AGBL4: variants seen among roughly 807,000 people sequenced by gnomAD.
AGBL4 encodes the protein cytosolic carboxypeptidase 6.
In AGBL4, 58 loss-of-function variants were observed where a neutral mutation model predicts 66.4. The ratio of observed to expected loss-of-function variants is 0.87; its 90% confidence interval spans 0.71 to 1.09. AGBL4 has a LOEUF of 1.09. Ranked by LOEUF, AGBL4 falls within the 50% of genes least tolerant of loss-of-function variation. AGBL4 has a pLI of 0.00. For synonymous variants in AGBL4, 234 were observed against 222.9 expected (o/e 1.05, Z -0.44); for missense variants, 579 against 631.0 (o/e 0.92, Z 0.88).
intron 5 of AGBL4, among the ~76,000 whole-genome samples, chr1:48,897,143 T>A (rs1003308678): frequency 1.3e-5 from 2 of 152,016 alleles, no homozygotes. Flanking sequence ...CCCTACTCCA[T>A]CCCCTCCTTT....
chr1:49,421,375 C>T lies in AGBL4; in HGVS notation c.283-175511G>A, dbSNP rs556383570. Among the ~76,000 whole-genome samples the T allele has an allele frequency of 5.4e-5, 8 of 148,572 alleles. No homozygotes were observed. The East Asian group carries it at 1.0e-3, about 19-fold the overall frequency. On this transcript the variant is annotated intron_variant, in intron 3 of 13. Transcript: ENST00000371839. ...AAGTACACAGTTGTAACAAATGCTA[C>T]GGGGGGCGGGGGGAAGCTGTGGGTA...
chr1:49,456,401 G>A (rs1646390043), intron 3 of AGBL4, among the ~76,000 whole-genome samples: 1 of 151,816 alleles, frequency 6.6e-6, no homozygotes, highest in South Asian at 2.1e-4. Context: ...ATTTCTAGAG[G>A]TTCAAGAGGC....
At chr1:49,274,762 T>G (rs1644134158) in intron 3 of AGBL4, among the ~76,000 whole-genome samples, 1 of 152,110 alleles carries the variant, frequency 6.6e-6, no homozygotes, top group Non-Finnish European at 1.5e-5. Context: ...AAAAAGCTAA[T>G]ACATTCATGA....
chr1:49,211,889 T>C (rs1350771815), intron 4 of AGBL4, among the ~76,000 whole-genome samples: 1 of 152,064 alleles, frequency 6.6e-6, no homozygotes, highest in African/African-American at 2.4e-5. Flanking sequence ...ATAATCATCA[T>C]CACCACCCTG....
intron 6 of AGBL4, among the ~76,000 whole-genome samples, chr1:48,676,122 G>T (rs941254446): frequency 6.6e-6 from 1 of 152,236 alleles, no homozygotes; most frequent in African/African-American, 2.4e-5. Context: ...TATGGCCTAG[G>T]TAAGTGGCTC....
chr1:48,657,268 A>G (rs982134006), intron 7 of AGBL4, among the ~76,000 whole-genome samples: 1 of 152,236 alleles, frequency 6.6e-6, no homozygotes, highest in African/African-American at 2.4e-5. Flanking sequence ...AGTGGTACAC[A>G]GTAAGAATAT....
chr1:49,887,191 GTGTATGTATATATATATACAT>G (rs1025152244), intron 1 of AGBL4, among the ~76,000 whole-genome samples: 6 of 147,748 alleles, frequency 4.1e-5, no homozygotes, highest in African/African-American at 1.2e-4. Context: ...ATATATATAT[GTGTATGTATATATATATACAT>G]TGTGTGTATA....
chr1:48,697,339 A>G (rs1646728331), intron 6 of AGBL4, among the ~76,000 whole-genome samples: 1 of 152,134 alleles, frequency 6.6e-6, no homozygotes, highest in African/African-American at 2.4e-5. Flanking sequence ...TGTTCTTTCT[A>G]CAGAAAGGCT....
At chr1:49,827,420 G>A (rs1182220225) in intron 2 of AGBL4, among the ~76,000 whole-genome samples, 1 of 152,086 alleles carries the variant, frequency 6.6e-6, no homozygotes, top group African/African-American at 2.4e-5. Context: ...AAGGTCAAAA[G>A]GGCTCTTCTG....
At chr1:48,837,724 T>TGG (rs1646716822) in intron 6 of AGBL4, among the ~76,000 whole-genome samples, 1 of 127,826 alleles carries the variant, frequency 7.8e-6, no homozygotes, top group Non-Finnish European at 1.6e-5. Flanking sequence ...TATATATATA[T>TGG]ATATATATAT....
intron 5 of AGBL4, among the ~76,000 whole-genome samples, chr1:48,900,456 G>T (rs988872655): frequency 4.6e-5 from 7 of 152,192 alleles, no homozygotes; most frequent in Non-Finnish European, 1.0e-4. Context: ...AAAGAACAAA[G>T]TTGATGTACT....
chr1:49,530,773 T>C (rs1346527196), intron 3 of AGBL4, among the ~76,000 whole-genome samples: 2 of 152,038 alleles, frequency 1.3e-5, no homozygotes, highest in Non-Finnish European at 2.9e-5. Context: ...TACCATTTAT[T>C]ATCATCCTGA....
intron 6 of AGBL4, among the ~76,000 whole-genome samples, chr1:48,683,346 C>T (rs567327232): frequency 3.9e-5 from 6 of 152,302 alleles, no homozygotes; most frequent in African/African-American, 1.2e-4. Flanking sequence ...ATACTCACAT[C>T]GGGGGCTTCT....
chr1:49,318,695 T>C (rs2148472793), intron 3 of AGBL4, among the ~76,000 whole-genome samples: 1 of 152,130 alleles, frequency 6.6e-6, no homozygotes, highest in South Asian at 2.1e-4. Context: ...AGGTAAGAGC[T>C]AGAAAGTTAT....
At chr1:49,882,152 C>T (rs1292557122) in intron 1 of AGBL4, among the ~76,000 whole-genome samples, 1 of 151,608 alleles carries the variant, frequency 6.6e-6, no homozygotes, top group Non-Finnish European at 1.5e-5. Flanking sequence ...GGAATCCTTT[C>T]CCCATTGCTT....
At chr1:49,036,320 G>A (rs1664646232) in intron 5 of AGBL4, among the ~76,000 whole-genome samples, 1 of 152,020 alleles carries the variant, frequency 6.6e-6, no homozygotes, top group African/African-American at 2.4e-5. Flanking sequence ...GCAAGATAAG[G>A]CAATAGTCCT....
intron 3 of AGBL4, among the ~76,000 whole-genome samples, chr1:49,289,225 T>C (rs1644488753): frequency 6.6e-6 from 1 of 151,960 alleles, no homozygotes; most frequent in South Asian, 2.1e-4. Context: ...ATAACTGAAA[T>C]TAAGAATTTA....
At chr1:48,722,327 G>A (rs969344432) in intron 6 of AGBL4, among the ~76,000 whole-genome samples, 2 of 152,086 alleles carry the variant, frequency 1.3e-5, no homozygotes, top group Non-Finnish European at 2.9e-5. Context: ...TAAAGGATGG[G>A]GAGGACTAAA....
intron 6 of AGBL4, among the ~76,000 whole-genome samples, chr1:48,853,560 GC>G (rs1226775743): frequency 1.3e-5 from 2 of 152,088 alleles, no homozygotes; most frequent in African/African-American, 4.8e-5. Flanking sequence ...TTACTATCTT[GC>G]TTTTTTATAA....
Sources: allele counts gnomAD v4.1 joint callset (sites outside exome capture counted in the v4.1 genomes callset), GRCh38; gene constraint gnomAD v4.1.1; transcripts MANE v1.5; gene names NCBI Gene and HGNC (gene_info 2026-07-23, HGNC 2026-07-21).